Variants in PRKCB observed in about 807,000 individuals in gnomAD.
PRKCB encodes protein kinase C beta type.
In PRKCB, 13 loss-of-function variants were observed where a neutral mutation model predicts 81.5. The ratio of observed to expected loss-of-function variants is 0.16; its 90% CI spans 0.10 to 0.25. The LOEUF is 0.25. Ranked by LOEUF, PRKCB falls within the 10% of genes least tolerant of loss-of-function variation. The pLI is 1.00. For synonymous variants in PRKCB, 335 were observed against 321.4 expected, an observed-to-expected ratio of 1.04 and a Z score of -0.45; for missense variants, 509 against 875.7, an observed-to-expected ratio of 0.58 and a Z score of 5.29.
intron 11 of PRKCB, among the ~76,000 whole-genome samples, chr16:24,172,819 A>G (rs1185562758): frequency 6.6e-6 from 1 of 152,170 alleles, no homozygotes; most frequent in Non-Finnish European, 1.5e-5. Flanking sequence ...GAAAGGCCCT[A>G]TATCTTCCTT....
intron 9 of PRKCB, among the ~76,000 whole-genome samples, chr16:24,147,552 A>G (rs1276496308): frequency 1.3e-5 from 2 of 152,208 alleles, no homozygotes; most frequent in Admixed American, 6.5e-5. Context: ...AGAAATAGAA[A>G]AAGGAAATGA....
At chr16:23,940,464 G>A (rs1964127582) in intron 2 of PRKCB, among the ~76,000 whole-genome samples, 1 of 151,992 alleles carries the variant, frequency 6.6e-6, no homozygotes, top group South Asian at 2.1e-4. Context: ...GAATATAGAT[G>A]AGAATATATA....
chr16:24,050,742 G>A lies in PRKCB; in HGVS notation c.529+15195G>A, dbSNP rs34489090. The stretch of plus-strand genomic sequence containing the variant: ...ACAATTGGCAAATGTGTCATGACCC[G>A]CCGCTTGAAAAACACTGTCCTAGAC... On this transcript the variant is annotated intron_variant, in intron 5 of 16. Coordinates refer to ENST00000643927, the MANE Select transcript of PRKCB (RefSeq NM_002738.7). 3.9e-3 allele frequency among the ~76,000 whole-genome samples: 591 copies of A among 152,154 alleles called. 5 individuals carry two copies. Among genetic ancestry groups the A allele is most frequent in the Non-Finnish European group, 5.7e-3 (391 of 68,008 alleles).
intron 2 of PRKCB, among the ~76,000 whole-genome samples, chr16:23,967,308 C>A (rs1031384334): frequency 2.6e-5 from 4 of 152,144 alleles, no homozygotes; most frequent in Non-Finnish European, 5.9e-5. Flanking sequence ...GGTTCCCAGC[C>A]CCCTGACAGC....
At position 23,836,084 on chromosome 16, in the gene PRKCB, G is replaced by C; in HGVS notation, c.-92G>C. The C allele has an allele frequency of 1.1e-6, 1 of 942,160 alleles. No individual in the cohort carries two copies. Among genetic ancestry groups the C allele is most frequent in the Non-Finnish European group, 1.3e-6 (1 of 786,074 alleles). 58.4% of individuals were successfully genotyped at this position (942,160 alleles called of 1,614,324 possible). A position where few individuals can be genotyped will look rare whatever the true frequency, so the allele number is the denominator to read the frequency against. ...CGCCCGCGGCCCCGGGTGCAGCAGC[G>C]GCCGCCGCCTCCCGCGCCTCCCCGG... On this transcript the variant is annotated 5_prime_UTR_variant, in exon 1 of 17. Coordinates refer to ENST00000643927, the MANE Select transcript of PRKCB (RefSeq NM_002738.7).
intron 3 of PRKCB, among the ~76,000 whole-genome samples, chr16:24,017,493 C>CGCAG (rs1318151195): frequency 6.6e-6 from 1 of 151,006 alleles, no homozygotes; most frequent in East Asian, 1.9e-4. Flanking sequence ...TTATTAAACA[C>CGCAG]GCAGGCACAC....
intron 7 of PRKCB, among the ~76,000 whole-genome samples, chr16:24,094,833 A>G (rs1199137360): frequency 6.8e-6 from 1 of 147,222 alleles, no homozygotes; most frequent in East Asian, 2.0e-4. Context: ...GGAAGGAAGG[A>G]AGGAAGGAAG....
At chr16:24,108,848 G>A (rs1352929564) in intron 7 of PRKCB, among the ~76,000 whole-genome samples, 83 of 152,074 alleles carry the variant, frequency 5.5e-4, no homozygotes, top group African/African-American at 1.9e-3. Context: ...ATCCTGGCCC[G>A]TTCTCAATGA....
At chr16:24,025,621 G>A (rs750552602) in intron 3 of PRKCB, among the ~76,000 whole-genome samples, 1 of 152,208 alleles carries the variant, frequency 6.6e-6, no homozygotes, top group African/African-American at 2.4e-5. Flanking sequence ...TTTAAGTGCC[G>A]TGATGGAGAG....
intron 2 of PRKCB, among the ~76,000 whole-genome samples, chr16:23,948,181 C>G (rs1018408639): frequency 2.6e-5 from 4 of 152,108 alleles, no homozygotes; most frequent in Non-Finnish European, 4.4e-5. Flanking sequence ...TGAATATTCA[C>G]AGCATCTGTA....
At chr16:24,136,908 C>T (rs1966866779) in intron 9 of PRKCB, among the ~76,000 whole-genome samples, 1 of 152,040 alleles carries the variant, frequency 6.6e-6, no homozygotes, top group Admixed American at 6.6e-5. Context: ...GATGGAGTCT[C>T]ACTCTGTCGC....
intron 12 of PRKCB, 99 bp from the exon 13 acceptor site, chr16:24,180,691 C>T (rs1967605413): frequency 7.0e-7 from 1 of 1,424,874 alleles, no homozygotes; most frequent in African/African-American, 1.4e-5. Context: ...TGTGCCCACA[C>T]AACACCTAAC....
chr16:24,046,476 T>C (rs540020211), intron 5 of PRKCB, among the ~76,000 whole-genome samples: 5 of 152,176 alleles, frequency 3.3e-5, no homozygotes, highest in African/African-American at 1.2e-4. Context: ...CGGCATGATG[T>C]GATAGAGGGT....
chr16:24,191,438 C>T lies in PRKCB; in HGVS notation c.1863+208C>T, dbSNP rs76167069. 962 of 482,390 alleles carry T rather than the reference C, an allele frequency of 2.0e-3. 8 individuals carry two copies. The highest frequency in any genetic ancestry group is 0.017 in the African/African-American group (869 of 50,568). 29.9% of individuals were successfully genotyped at this position (482,390 alleles called of 1,614,324 possible). On this transcript the variant is annotated intron_variant, in intron 16 of 16. Transcript: ENST00000643927. ...AGCTTAGTCTCTATAAAGATGGAAA[C>T]GACGATGCCTATTGAATTTTTGTTT...
chr16:24,028,313 T>A (rs946065860), intron 3 of PRKCB, among the ~76,000 whole-genome samples: 5 of 152,308 alleles, frequency 3.3e-5, no homozygotes, highest in African/African-American at 1.2e-4. Flanking sequence ...GGTCTTGAAC[T>A]CCTGACCTAA....
rs765546616 is a variant in PRKCB at position 24,214,832 on chromosome 16, T to A, written c.*16T>A. 5.0e-6 allele frequency: 8 copies of A among 1,610,140 alleles called. No individual in the cohort carries two copies. Among genetic ancestry groups the A allele is most frequent in the Admixed American group, 3.4e-5 (2 of 59,670 alleles). On this transcript the variant is annotated 3_prime_UTR_variant, in exon 17 of 17. Coordinates refer to ENST00000643927, the MANE Select transcript of PRKCB (RefSeq NM_002738.7). ...CAAGAGCTAAGTAGATGTGTAGATC[T>A]CCGTCCTTCATTTCTGTCATTCAAG...
At position 24,208,843 on chromosome 16, in the gene PRKCB, A is replaced by G. The variant is rs534214204; in HGVS notation, c.1864-5815A>G. On this transcript the variant is annotated intron_variant, in intron 16 of 16. Coordinates refer to ENST00000643927, the MANE Select transcript of PRKCB (RefSeq NM_002738.7). ...TGACAGCTCCATTTGAAAAACACAG[A>G]AACACTTAACAGGGAGGCTGTGATC... Among the ~76,000 whole-genome samples the G allele has an allele frequency of 3.3e-5, 5 of 152,204 alleles. No individual in the cohort carries two copies. The East Asian group carries it at 7.7e-4, about 23-fold the overall frequency.
intron 5 of PRKCB, among the ~76,000 whole-genome samples, chr16:24,064,157 C>A (rs1176357843): frequency 6.6e-6 from 1 of 151,456 alleles, no homozygotes; most frequent in Non-Finnish European, 1.5e-5. Flanking sequence ...AATGGGAAAG[C>A]AAGTAGGTAA....
intron 5 of PRKCB, among the ~76,000 whole-genome samples, chr16:24,077,886 G>A (rs1596538954): frequency 6.6e-6 from 1 of 152,186 alleles, no homozygotes; most frequent in African/African-American, 2.4e-5. Flanking sequence ...TGTAGACAGG[G>A]CTCTTCTATC....
Sources: allele counts gnomAD v4.1 joint callset (sites outside exome capture counted in the v4.1 genomes callset), GRCh38; gene constraint gnomAD v4.1.1; transcripts MANE v1.5; gene names NCBI Gene and HGNC (gene_info 2026-07-23, HGNC 2026-07-21).